DSP: variants seen among roughly 807,000 people sequenced by gnomAD.
The protein encoded by DSP is 250/210 kDa paraneoplastic pemphigus antigen.
DSP carries 114 observed loss-of-function variants against 290.6 expected under a neutral mutation model. The observed-to-expected ratio is 0.39, with a 90% CI of 0.34 to 0.46. The LOEUF is 0.46. DSP is among the 20% of genes least tolerant of loss of function. The pLI is 0.99. For synonymous variants in DSP, 1,311 were observed against 1,316.4 expected (o/e 1.00, Z 0.09); for missense variants, 3,230 against 3,495.8 (o/e 0.92, Z 1.92).
intron 15 of DSP, among the ~76,000 whole-genome samples, chr6:7,573,749 AC>A (rs1251363849): frequency 6.6e-6 from 1 of 152,146 alleles, no homozygotes; most frequent in African/African-American, 2.4e-5. Context: ...GATGGTGATT[AC>A]CGGGGTGGGG....
rs1259351330 is a variant in DSP at position 7,580,982 on chromosome 6, C to A, written c.4792C>A (p.Leu1598Met). The A allele has an allele frequency of 6.2e-7, 1 of 1,614,058 alleles. No homozygotes were observed. The highest frequency in any genetic ancestry group is 2.2e-5 in the East Asian group (1 of 44,872). Residue 1598 changes from leucine (L) to methionine (M), a missense_variant, in exon 23 of 24, where the codon CTG (leucine) becomes ATG (methionine). Physicochemically the swap from Leu to Met is conservative, Grantham distance 15. Around this residue, in one of 5 missense-constraint regions of DSP, gnomAD observed 1,714 missense variants for 1,844.5 expected, o/e 0.93. Transcript: ENST00000379802. This position sits in a 1 kb window ranked among gnomAD's most constrained non-coding sequence, Gnocchi z 4.2. Reference protein sequence around the residue: ...SCKRKKLEEELEGMRRSLKEQ... With the variant: ...SCKRKKLEEEMEGMRRSLKEQ... Reference sequence around the variant, plus strand: ...CAAGAGGAAGAAGCTGGAGGAAGAGCTGGAAGGCATGAGGAGGTCGCTGAA... The same window carrying A: ...CAAGAGGAAGAAGCTGGAGGAAGAGATGGAAGGCATGAGGAGGTCGCTGAA...
At chr6:7,566,885 G>C (rs1209429318) in intron 8 of DSP, among the ~76,000 whole-genome samples, 1 of 152,220 alleles carries the variant, frequency 6.6e-6, no homozygotes, top group Non-Finnish European at 1.5e-5. Context: ...ACATTAGCTG[G>C]TACCACTGGT....
chr6:7,579,220 T>A lies in DSP; in HGVS notation c.3085-55T>A. On this transcript the variant is annotated intron_variant, in intron 22 of 23. Coordinates refer to ENST00000379802, the MANE Select transcript of DSP (RefSeq NM_004415.4). This position sits in a 1 kb window ranked among gnomAD's most constrained non-coding sequence, Gnocchi z 4.1. ...CTGGGAGGGGAAAAGTACTGCTTCT[T>A]TCTTGGAATGTGAGGTGTTTTTCTT... 6.2e-7 allele frequency: 1 copy of A among 1,603,856 alleles called. No individual in the cohort carries two copies. The highest frequency in any genetic ancestry group is 8.5e-7 in the Non-Finnish European group (1 of 1,174,674).
chr6:7,560,094 A>G (rs1758632110), intron 4 of DSP, among the ~76,000 whole-genome samples: 1 of 152,238 alleles, frequency 6.6e-6, no homozygotes, highest in Admixed American at 6.5e-5. Flanking sequence ...AGGTGGTGGT[A>G]GAAATATGCC....
chr6:7,573,820 A>C (rs1300766689), intron 15 of DSP, among the ~76,000 whole-genome samples: 1 of 152,154 alleles, frequency 6.6e-6, no homozygotes, highest in East Asian at 1.9e-4. Context: ...GGGATGAATA[A>C]ATCTAGAGAT....
At chr6:7,544,073 A>T (rs1161225158) in intron 1 of DSP, among the ~76,000 whole-genome samples, 2 of 152,132 alleles carry the variant, frequency 1.3e-5, no homozygotes, top group Non-Finnish European at 2.9e-5. Flanking sequence ...TTGAGGAAGG[A>T]TGTTTTTTCT....
Position 7,580,567 on chromosome 6 carries a change from A to G in DSP, c.4377A>G (p.Thr1459=), listed in dbSNP as rs771910118. 9.3e-6 allele frequency: 15 copies of G among 1,614,090 alleles called. No homozygotes were observed. The highest frequency in any genetic ancestry group is 2.7e-5 in the African/African-American group (2 of 74,930). Residue 1459 remains threonine (T), a synonymous_variant, in exon 23 of 24, where the codon ACA becomes ACG. Transcript: ENST00000379802. This position sits in a 1 kb window ranked among gnomAD's most constrained non-coding sequence, Gnocchi z 4.2. ...TGAGACAAGTCACTCAGATGCGAAC[A>G]GAGGAGAGCGTAAGATATAAGCAAT... ...VELRQVTQMR[T]EESVRYKQSL... is the part of the protein sequence containing the mutation.
intron 15 of DSP, 40 bp from the exon 16 acceptor site, chr6:7,574,046 A>T: frequency 6.2e-7 from 1 of 1,609,850 alleles, no homozygotes; most frequent in Non-Finnish European, 8.5e-7. Flanking sequence ...TAATAAAAAG[A>T]ATCAGCTAAA....
intron 1 of DSP, among the ~76,000 whole-genome samples, chr6:7,549,498 T>C (rs1758271246): frequency 6.6e-6 from 1 of 152,220 alleles, no homozygotes; most frequent in South Asian, 2.1e-4. Context: ...ATTAAAAATA[T>C]ATTTTTCTTT....
rs1457667981 is a variant in DSP at position 7,583,270 on chromosome 6, A to G, written c.6008A>G (p.Glu2003Gly). The G allele has an allele frequency of 1.9e-6, 3 of 1,614,204 alleles. No homozygotes were observed. Among genetic ancestry groups the G allele is most frequent in the Non-Finnish European group, 2.5e-6 (3 of 1,180,034 alleles). ...TTGAAGGGGAAGAAGTCAGTGGAAG[A>G]AGTTGCTTCTGAAATCCAGCCATTC... The part of the protein sequence containing the change: ...KLLKGKKSVE[E>G]VASEIQPFLR... Residue 2003 changes from glutamate (E) to glycine (G), a missense_variant, in exon 24 of 24, where the codon GAA (glutamate) becomes GGA (glycine). Physicochemically the swap from Glu to Gly is moderately conservative, Grantham distance 98. This residue lies in a region of DSP where 1,714 missense variants were observed against 1,844.5 expected (regional missense o/e 0.93). Transcript: ENST00000379802. This position sits in a 1 kb window ranked among gnomAD's most constrained non-coding sequence, Gnocchi z 4.0.
chr6:7,585,749 CCGCTCGGGATCT>C lies in DSP; in HGVS notation c.8493_8504del (p.Ser2843_Arg2846del), dbSNP rs748194022. ...CGGCTCCGGGGTCCCGCTCCGGCTC[CCGCTCGGGATCT>C]CGCTCCGGATCTCGCTCCGGGTCCC... On this transcript the variant is annotated inframe_deletion, in exon 24 of 24. Transcript: ENST00000379802. 1 of 1,610,128 alleles carries C rather than the reference CCGCTCGGGATCT, an allele frequency of 6.2e-7. No individual in the cohort carries two copies. The highest frequency in any genetic ancestry group is 2.2e-5 in the East Asian group (1 of 44,828).
At chr6:7,561,071 C>T (rs1031382800) in intron 4 of DSP, among the ~76,000 whole-genome samples, 1 of 151,974 alleles carries the variant, frequency 6.6e-6, no homozygotes, top group African/African-American at 2.4e-5. Flanking sequence ...CCTGCTTCAG[C>T]CTGCCGAGTA....
rs745353405 is a variant in DSP at position 7,570,433 on chromosome 6, T to G, written c.1575-4T>G. 10 of 1,614,184 alleles carry G rather than the reference T, an allele frequency of 6.2e-6. No individual in the cohort carries two copies. In the South Asian group the frequency reaches 9.9e-5, roughly 16 times the overall value. ...CTAGCATGTTTTCCCTTTGTGCCTC[T>G]TAGGATTGAGCAGTACTACGAAGCC... On this transcript the variant is annotated splice_region_variant and splice_polypyrimidine_tract_variant and intron_variant, in intron 12 of 23. Transcript: ENST00000379802.
At chr6:7,577,699 T>TA in intron 20 of DSP, 80 bp from the exon 21 acceptor site, 1 of 1,182,280 alleles carries the variant, frequency 8.5e-7, no homozygotes, top group Non-Finnish European at 1.3e-6. Context: ...CCCAATGATT[T>TA]AAAACTGTGG....
chr6:7,562,610 G>T, intron 4 of DSP, 42 bp from the exon 5 acceptor site: 1 of 1,612,946 alleles, frequency 6.2e-7, no homozygotes, highest in Non-Finnish European at 8.5e-7. Flanking sequence ...AGGTGCAAAG[G>T]GGCAACAACA....
In DSP at chr6:7,583,019, T is replaced by G. The variant is rs727504871; in HGVS notation, c.5757T>G (p.Asp1919Glu). The change falls in exon 24 of 24, where the codon GAT (aspartate) becomes GAG (glutamate). Residue 1919 changes from aspartate (D) to glutamate (E), a missense_variant. Physicochemically the swap from Asp to Glu is conservative, Grantham distance 45 (BLOSUM62 2). Around this residue, in one of 5 missense-constraint regions of DSP, gnomAD observed 1,714 missense variants for 1,844.5 expected, o/e 0.93. Coordinates refer to ENST00000379802, the MANE Select transcript of DSP (RefSeq NM_004415.4). This position sits in a 1 kb window ranked among gnomAD's most constrained non-coding sequence, Gnocchi z 4.0. ...IEERCRRKLE[D>E]STRETQSQLE... The stretch of plus-strand genomic sequence containing the variant: ...AGAGGTGCAGGCGTAAGCTGGAGGA[T>G]TCTACCAGGGAGACACAGTCACAGT... The G allele has an allele frequency of 7.4e-6, 12 of 1,613,716 alleles. No individual in the cohort carries two copies. Among genetic ancestry groups the G allele is most frequent in the Non-Finnish European group, 1.0e-5 (12 of 1,179,902 alleles).
chr6:7,549,660 C>T (rs1394677265), intron 1 of DSP, among the ~76,000 whole-genome samples: 1 of 152,038 alleles, frequency 6.6e-6, no homozygotes, highest in East Asian at 1.9e-4. Flanking sequence ...TGAGTTTTTC[C>T]TAGGTAATTA....
chr6:7,547,214 C>T (rs1184278393), intron 1 of DSP, among the ~76,000 whole-genome samples: 1 of 152,020 alleles, frequency 6.6e-6, no homozygotes, highest in African/African-American at 2.4e-5. Flanking sequence ...TTTGAAGTCA[C>T]GGCCCCACAG....
intron 7 of DSP, among the ~76,000 whole-genome samples, 177 bp from the exon 8 acceptor site, chr6:7,566,200 A>G (rs537178746): frequency 6.6e-6 from 1 of 152,296 alleles, no homozygotes; most frequent in Admixed American, 6.5e-5. Flanking sequence ...CCTCTCCTGT[A>G]GCAAACATCC....
Sources: gnomAD v4.1 joint callset for allele counts (sites outside exome capture counted in the v4.1 genomes callset) on GRCh38, gnomAD v4.1.1 for gene constraint, gnomAD v4.1.1 regional missense constraint, Gnocchi (gnomAD v3.1) non-coding constraint, MANE v1.5 for transcripts, NCBI Gene and HGNC (gene_info 2026-07-23, HGNC 2026-07-21) for gene names.